DNAH11: variants seen among roughly 807,000 people sequenced by gnomAD.
DNAH11 encodes the protein dynein axonemal heavy chain 11, also known as axonemal beta dynein heavy chain 11.
DNAH11 carries 442 observed loss-of-function variants against 526.0 expected under a neutral mutation model. That is an observed-to-expected ratio of 0.84 (90% CI 0.78 to 0.91). DNAH11 has a LOEUF of 0.91. DNAH11 is among the 40% of genes least tolerant of loss of function. DNAH11 has a pLI of 0.00. For missense variants in DNAH11, 6,989 were observed against 5,448.7 expected (o/e 1.28, Z -8.90); for synonymous variants, 2,461 against 1,935.9 (o/e 1.27, Z -7.12).
chr7:21,807,976 A>C lies in DNAH11; in HGVS notation c.10259A>C (p.Tyr3420Ser). Reference sequence around the variant, plus strand: ...CTTCTCACGGCGGCATTTGTGTCTTACGTCGGACCCTTCACAAGGCAGTAT... The same window carrying C: ...CTTCTCACGGCGGCATTTGTGTCTTCCGTCGGACCCTTCACAAGGCAGTAT... The part of the protein sequence containing the change: ...DVLLTAAFVS[Y>S]VGPFTRQYRQ... The change falls in exon 63 of 82, where the codon TAC becomes TCC. Residue 3420 changes from tyrosine to serine, a missense_variant. Transcript: ENST00000409508. 6.9e-6 allele frequency: 11 copies of C among 1,604,626 alleles called. No homozygotes were observed. Among genetic ancestry groups the C allele is most frequent in the Non-Finnish European group, 9.4e-6 (11 of 1,174,124 alleles).
At chr7:21,842,187 T>G (rs1782227522) in intron 65 of DNAH11, among the ~76,000 whole-genome samples, 1 of 152,220 alleles carries the variant, frequency 6.6e-6, no homozygotes, top group African/African-American at 2.4e-5. Context: ...GTTGTTTTGC[T>G]TAAAGTCACA....
chr7:21,627,859 C>T (rs977365617), intron 25 of DNAH11, among the ~76,000 whole-genome samples: 6 of 152,136 alleles, frequency 3.9e-5, no homozygotes, highest in African/African-American at 1.4e-4. Context: ...TTAGAAATTG[C>T]TTTGGGTAAT....
chr7:21,865,910 C>CT (rs1040016682), intron 70 of DNAH11, among the ~76,000 whole-genome samples: 1 of 152,172 alleles, frequency 6.6e-6, no homozygotes, highest in African/African-American at 2.4e-5. Context: ...AACTTCCTGA[C>CT]GTTACCATGG....
At chr7:21,774,879 A>T (rs1404649345) in intron 56 of DNAH11, among the ~76,000 whole-genome samples, 1 of 152,056 alleles carries the variant, frequency 6.6e-6, no homozygotes, top group African/African-American at 2.4e-5. Context: ...TCACCTCAAG[A>T]CTAGAAATAC....
intron 18 of DNAH11, among the ~76,000 whole-genome samples, chr7:21,603,141 G>C (rs1433478964): frequency 2.6e-5 from 4 of 152,178 alleles, no homozygotes; most frequent in African/African-American, 9.6e-5. Flanking sequence ...ATTTCAGATA[G>C]ATGGAATCAT....
chr7:21,734,059 G>C lies in DNAH11; in HGVS notation c.7441-1581G>C, dbSNP rs572516988. Among the ~76,000 whole-genome samples, 204 of 152,254 alleles carry C rather than the reference G, an allele frequency of 1.3e-3. 1 individual carries two copies. The highest frequency in any genetic ancestry group is 5.6e-4 in the Non-Finnish European group (38 of 68,012). ...GCAGGATTCACACCCAGGCAGCCTGGCTCCAGAGTCCGTGCTCTGAAGAGC... is the reference window on the plus strand; with the variant it reads ...GCAGGATTCACACCCAGGCAGCCTGCCTCCAGAGTCCGTGCTCTGAAGAGC... On this transcript the variant is annotated intron_variant, in intron 45 of 81. Transcript: ENST00000409508.
chr7:21,754,185 T>G (rs980858241), intron 54 of DNAH11, among the ~76,000 whole-genome samples: 2 of 152,210 alleles, frequency 1.3e-5, no homozygotes, highest in African/African-American at 2.4e-5. Context: ...GTCTTGATTC[T>G]TACTTTAATG....
At chr7:21,827,367 G>C (rs1159282343) in intron 65 of DNAH11, among the ~76,000 whole-genome samples, 1 of 152,008 alleles carries the variant, frequency 6.6e-6, no homozygotes, top group Non-Finnish European at 1.5e-5. Context: ...GATCTGGGAA[G>C]CATCTTCATA....
intron 62 of DNAH11, among the ~76,000 whole-genome samples, chr7:21,802,852 G>A (rs1789056183): frequency 6.6e-6 from 1 of 151,704 alleles, no homozygotes; most frequent in Admixed American, 6.6e-5. Flanking sequence ...TGGGGTTTGG[G>A]GAGTGACTAC....
At chr7:21,661,048 G>T (rs1345927988) in intron 30 of DNAH11, among the ~76,000 whole-genome samples, 1 of 152,064 alleles carries the variant, frequency 6.6e-6, no homozygotes, top group Non-Finnish European at 1.5e-5. Context: ...TAGCAGCGAT[G>T]TTCCTCCACT....
At chr7:21,895,260 C>T (rs1045944825) in intron 79 of DNAH11, among the ~76,000 whole-genome samples, 2 of 152,150 alleles carry the variant, frequency 1.3e-5, no homozygotes, top group East Asian at 3.9e-4. Context: ...ACAAAATAAC[C>T]TGTCTCTTTT....
At chr7:21,550,440 A>T (rs546834846) in intron 2 of DNAH11, among the ~76,000 whole-genome samples, 1 of 152,260 alleles carries the variant, frequency 6.6e-6, no homozygotes, top group East Asian at 1.9e-4. Flanking sequence ...TAGTAGGGAG[A>T]TGTCTAGCTG....
intron 20 of DNAH11, among the ~76,000 whole-genome samples, chr7:21,609,174 T>C (rs1021772147): frequency 1.3e-5 from 2 of 152,166 alleles, no homozygotes; most frequent in African/African-American, 2.4e-5. Context: ...TGAATTAACA[T>C]AACTGGGTAT....
chr7:21,656,101 G>A, intron 29 of DNAH11, 120 bp downstream of exon 29: 1 of 1,140,890 alleles, frequency 8.8e-7, no homozygotes, highest in Non-Finnish European at 1.2e-6. Flanking sequence ...TTAGTTTTGT[G>A]CTCGGAGGTT....
Position 21,590,867 on chromosome 7 carries a change from A to G in DNAH11, c.2170-51A>G. The G allele has an allele frequency of 3.6e-6, 4 of 1,102,780 alleles. No individual in the cohort carries two copies. In the South Asian group the frequency reaches 9.6e-5, roughly 27 times the overall value. The allele number at this position is 1,102,780 out of a possible 1,614,324, so 68.3% of individuals were successfully genotyped here. On this transcript the variant is annotated intron_variant, in intron 12 of 81. Transcript: ENST00000409508. ...TTTCAAGTTAAACTTGAGTTAAAAT[A>G]GAATGACATTATGAAAATATGCAAT... is the stretch of plus-strand genomic sequence containing the variant.
intron 68 of DNAH11, among the ~76,000 whole-genome samples, chr7:21,857,703 G>A (rs1021534515): frequency 1.3e-5 from 2 of 152,044 alleles, no homozygotes; most frequent in Admixed American, 6.6e-5. Flanking sequence ...TTTTCAGTAG[G>A]GGTGCCAAGA....
chr7:21,723,706 A>G (rs1280595592), intron 44 of DNAH11, among the ~76,000 whole-genome samples: 1 of 151,252 alleles, frequency 6.6e-6, no homozygotes, highest in African/African-American at 2.4e-5. Flanking sequence ...AGCTCTCCCT[A>G]TTTCTTCCTC....
chr7:21,621,074 A>T (rs908928036), intron 25 of DNAH11, among the ~76,000 whole-genome samples: 107 of 152,094 alleles, frequency 7.0e-4, no homozygotes, highest in Non-Finnish European at 1.3e-3. Flanking sequence ...CTTTGGGTGT[A>T]TACCCAGTAA....
intron 2 of DNAH11, among the ~76,000 whole-genome samples, chr7:21,555,845 G>T (rs1001583735): frequency 6.6e-6 from 1 of 152,090 alleles, no homozygotes; most frequent in Admixed American, 6.6e-5. Flanking sequence ...CTCGACTGGA[G>T]TCCTTCTCTG....
Sources: allele counts gnomAD v4.1 joint callset (sites outside exome capture counted in the v4.1 genomes callset), GRCh38; gene constraint gnomAD v4.1.1; transcripts MANE v1.5; gene names NCBI Gene and HGNC (gene_info 2026-07-23, HGNC 2026-07-21).